GSN: variants seen among roughly 807,000 people sequenced by gnomAD.
GSN encodes the protein gelsolin.
A neutral mutation model predicts 85.7 loss-of-function variants in GSN; 56 were observed. The observed-to-expected ratio is 0.65, with a 90% confidence interval of 0.53 to 0.82. The LOEUF (loss-of-function observed/expected upper bound fraction) is 0.82, where lower values mean the gene tolerates loss of function less well. Among genes scored for constraint, GSN ranks in the 40% least tolerant of loss-of-function variants. The pLI is 0.00. For missense variants in GSN, 857 were observed against 979.8 expected (o/e 0.87, Z 1.67); for synonymous variants, 373 against 399.1 (o/e 0.93, Z 0.78).
chr9:121,309,976 G>C (rs2060887444), intron 4 of GSN: 1 of 152,936 alleles, frequency 6.5e-6, no homozygotes, highest in Non-Finnish European at 1.4e-5. Context: ...GGAAGAGAGA[G>C]AGAGAGCGGA....
intron 5 of GSN, among the ~76,000 whole-genome samples, chr9:121,236,480 C>T (rs1330924785): frequency 2.6e-5 from 4 of 152,086 alleles, no homozygotes; most frequent in Admixed American, 2.6e-4. Context: ...CCCAAAGTGC[C>T]TGGATTACAG....
chr9:121,314,619 A>G (rs189075947), intron 7 of GSN, among the ~76,000 whole-genome samples: 2 of 152,348 alleles, frequency 1.3e-5, no homozygotes, highest in East Asian at 3.9e-4. Flanking sequence ...CTACTACATT[A>G]TCGATTTTTT....
intron 5 of GSN, among the ~76,000 whole-genome samples, chr9:121,240,356 T>C (rs530244682): frequency 8.1e-4 from 124 of 152,214 alleles, no homozygotes; most frequent in Non-Finnish European, 1.5e-3. Context: ...CAAAGTCTGC[T>C]GTCTGCAATC....
At chr9:121,263,712 G>T (rs550843421), upstream of GSN, among the ~76,000 whole-genome samples, 1 of 152,076 alleles carries the variant, frequency 6.6e-6, no homozygotes, top group Non-Finnish European at 1.5e-5. Flanking sequence ...CCAATATGGA[G>T]AAACCCCGTC....
intron 1 of GSN, among the ~76,000 whole-genome samples, chr9:121,270,633 A>G (rs1301815103): frequency 1.3e-5 from 2 of 152,200 alleles, no homozygotes; most frequent in Non-Finnish European, 2.9e-5. Context: ...AAAAATTGTT[A>G]AAGAATCCCT....
chr9:121,214,506 A>T (rs561180954), intron 4 of GSN, among the ~76,000 whole-genome samples: 2 of 152,336 alleles, frequency 1.3e-5, no homozygotes, highest in Non-Finnish European at 2.9e-5. Context: ...GGCCTGGTTC[A>T]TGGTAGTGTA....
intron 2 of GSN, among the ~76,000 whole-genome samples, chr9:121,296,690 T>A (rs2059252390): frequency 6.6e-6 from 1 of 152,174 alleles, no homozygotes; most frequent in Non-Finnish European, 1.5e-5. Flanking sequence ...GGGGTCCTTC[T>A]CTTGTACCTG....
chr9:121,212,175 CAG>C (rs1032919873), intron 4 of GSN, among the ~76,000 whole-genome samples: 1 of 152,138 alleles, frequency 6.6e-6, no homozygotes, highest in Non-Finnish European at 1.5e-5. Context: ...CATAACAAAA[CAG>C]ATATCCCAGC....
intron 5 of GSN, among the ~76,000 whole-genome samples, chr9:121,243,464 G>A (rs944844354): frequency 6.6e-6 from 1 of 152,162 alleles, no homozygotes; most frequent in African/African-American, 2.4e-5. Flanking sequence ...ATCTGTAGGG[G>A]CCATTAATTA....
chr9:121,242,324 C>A (rs968911471), intron 5 of GSN, among the ~76,000 whole-genome samples: 2 of 152,126 alleles, frequency 1.3e-5, no homozygotes, highest in Non-Finnish European at 2.9e-5. Context: ...AGAAAAGATT[C>A]CCTTAATACG....
intron 4 of GSN, 30 bp downstream of exon 4, chr9:121,303,095 T>C (rs749329655): frequency 6.2e-7 from 1 of 1,607,448 alleles, no homozygotes; most frequent in South Asian, 1.1e-5. Context: ...GCTTGAGCGG[T>C]AGGGACAGAT....
At chr9:121,219,194 C>T (rs895912587) in intron 4 of GSN, among the ~76,000 whole-genome samples, 1 of 152,084 alleles carries the variant, frequency 6.6e-6, no homozygotes, top group African/African-American at 2.4e-5. Context: ...TGCTGCTTCT[C>T]TTTACCCGGT....
chr9:121,320,192 A>T (rs2062235439), intron 10 of GSN, among the ~76,000 whole-genome samples: 1 of 152,124 alleles, frequency 6.6e-6, no homozygotes, highest in Non-Finnish European at 1.5e-5. Context: ...GTTTCCCAGG[A>T]CTTGGACGAC....
rs2063340100 is a variant in GSN, at chr9:121,327,354, T to C, written c.1634T>C (p.Leu545Pro). ...CTGAACTCCAACGATGCCTTTGTTC[T>C]GAAAACCCCCTCAGCCGCCTACCTG... ...GALNSNDAFV[L>P]KTPSAAYLWV... Residue 545 changes from leucine to proline, a missense_variant, in exon 14 of 18, where the codon CTG (leucine) becomes CCG (proline). Coordinates refer to ENST00000432226, the MANE Select transcript of GSN (RefSeq NM_198252.3). 6.2e-7 allele frequency: 1 copy of C among 1,613,920 alleles called. No individual in the cohort carries two copies. The highest frequency in any genetic ancestry group is 1.3e-5 in the African/African-American group (1 of 74,884).
At position 121,326,536 on chromosome 9, in the gene GSN, C is replaced by T; in HGVS notation, c.1441C>T (p.Pro481Ser). 1.2e-6 allele frequency: 2 copies of T among 1,614,060 alleles called. No individual in the cohort carries two copies. The highest frequency in any genetic ancestry group is 1.1e-5 in the South Asian group (1 of 91,070). Residue 481 changes from proline to serine, a missense_variant, in exon 13 of 18, where the codon CCC (proline) becomes TCC (serine). By Grantham distance (74) the Pro-to-Ser change is moderately conservative. Coordinates refer to ENST00000432226, the MANE Select transcript of GSN (RefSeq NM_198252.3). ...GAGCCGTGTGGTCCAAGGCAAGGAG[C>T]CCGCCCACCTCATGAGCCTGTTTGG... is the stretch of plus-strand genomic sequence containing the variant. ...VQSRVVQGKE[P>S]AHLMSLFGGK...
chr9:121,324,488 T>C, intron 11 of GSN, 66 bp from the exon 12 acceptor site: 1 of 819,398 alleles, frequency 1.2e-6, no homozygotes, highest in Non-Finnish European at 2.1e-6. Flanking sequence ...TTTCTCAGAC[T>C]CAGGGCAAGG....
At chr9:121,224,832 T>TA (rs2054243880) in intron 4 of GSN, among the ~76,000 whole-genome samples, 2 of 102,472 alleles carry the variant, frequency 2.0e-5, no homozygotes, top group African/African-American at 7.3e-5. Context: ...ATAAATAAAT[T>TA]TATTGAGACA....
At chr9:121,306,545 ATAGG>A (rs2060444356) in intron 4 of GSN, among the ~76,000 whole-genome samples, 2 of 152,252 alleles carry the variant, frequency 1.3e-5, no homozygotes, top group African/African-American at 4.8e-5. Flanking sequence ...CTGAACGTAT[ATAGG>A]TAGACAGACA....
At chr9:121,253,488 T>C (rs1231355401) in intron 6 of GSN, among the ~76,000 whole-genome samples, 40 of 152,176 alleles carry the variant, frequency 2.6e-4, no homozygotes, top group Non-Finnish European at 7.4e-5. Flanking sequence ...CCCATTCCCC[T>C]GCTATGAGCT....
Sources: gnomAD v4.1 joint callset for allele counts (sites outside exome capture counted in the v4.1 genomes callset) on GRCh38, gnomAD v4.1.1 for gene constraint, MANE v1.5 for transcripts, NCBI Gene and HGNC (gene_info 2026-07-23, HGNC 2026-07-21) for gene names.